Variants in LRMDA observed in about 807,000 individuals in gnomAD.
LRMDA encodes the protein leucine-rich melanocyte differentiation-associated protein.
Under a neutral mutation model 29.8 loss-of-function variants are expected in LRMDA, and 18 were observed. The ratio of observed to expected loss-of-function variants is 0.60; its 90% CI spans 0.42 to 0.90. The LOEUF is 0.90. Among genes scored for constraint, LRMDA ranks in the 40% least tolerant of loss-of-function variants. The probability of loss-of-function intolerance (pLI) is 0.00; values close to 1 mark genes in which losing one functional copy is unlikely to be tolerated. For synonymous variants in LRMDA, 125 were observed against 109.4 expected, an observed-to-expected ratio of 1.14 and a Z score of -0.89; for missense variants, 273 against 273.9, an observed-to-expected ratio of 1.00 and a Z score of 0.02.
At chr10:76,120,543 G>A (rs1849767623) in intron 5 of LRMDA, among the ~76,000 whole-genome samples, 2 of 151,918 alleles carry the variant, frequency 1.3e-5, no homozygotes, top group South Asian at 4.2e-4. Flanking sequence ...GATGGTTTGA[G>A]GTAGCTTATA....
chr10:76,086,024 A>G (rs1317979513), intron 5 of LRMDA, among the ~76,000 whole-genome samples: 6 of 152,246 alleles, frequency 3.9e-5, no homozygotes, highest in Middle Eastern at 3.4e-3. Context: ...GCCCAATTTT[A>G]TAGTCTTCTC....
intron 2 of LRMDA, among the ~76,000 whole-genome samples, chr10:76,012,135 G>C (rs543812483): frequency 6.6e-6 from 1 of 152,182 alleles, no homozygotes. Context: ...TTCCTGGAGC[G>C]CAGTTAAGTA....
At chr10:75,571,525 C>T (rs904437249) in intron 2 of LRMDA, among the ~76,000 whole-genome samples, 46 of 152,124 alleles carry the variant, frequency 3.0e-4, no homozygotes, top group African/African-American at 9.4e-4. Flanking sequence ...TCAACTCTGG[C>T]GGTTAAATCT....
At chr10:76,299,618 T>A (rs958196725) in intron 5 of LRMDA, among the ~76,000 whole-genome samples, 2 of 150,524 alleles carry the variant, frequency 1.3e-5, no homozygotes, top group African/African-American at 2.4e-5. Context: ...TTTTTTTTTT[T>A]ATGGGACTCA....
At chr10:76,131,988 A>G (rs1850001744) in intron 5 of LRMDA, among the ~76,000 whole-genome samples, 1 of 152,208 alleles carries the variant, frequency 6.6e-6, no homozygotes, top group African/African-American at 2.4e-5. Context: ...AAAAATGTGT[A>G]GACTCTAATT....
At chr10:75,923,757 T>C (rs541390908) in intron 2 of LRMDA, among the ~76,000 whole-genome samples, 3 of 152,276 alleles carry the variant, frequency 2.0e-5, no homozygotes, top group African/African-American at 7.2e-5. Flanking sequence ...GTCTTAAGAC[T>C]CCTCTGTGTG....
intron 6 of LRMDA, among the ~76,000 whole-genome samples, chr10:76,429,023 TAC>T (rs140684832): frequency 2.7e-5 from 4 of 149,816 alleles, no homozygotes; most frequent in African/African-American, 9.8e-5. Context: ...CTGCCAATTA[TAC>T]ACACACACAC....
chr10:75,997,439 C>T (rs977218713), intron 2 of LRMDA, among the ~76,000 whole-genome samples: 3 of 150,396 alleles, frequency 2.0e-5, no homozygotes, highest in Non-Finnish European at 2.9e-5. Flanking sequence ...TACTCGGTAT[C>T]ATGAAGTATG....
intron 5 of LRMDA, 83 bp from the exon 6 acceptor site, chr10:76,324,318 C>T (rs543528428): frequency 8.4e-7 from 1 of 1,193,762 alleles, no homozygotes; most frequent in African/African-American, 1.5e-5. Context: ...GCTCAGATCC[C>T]AAGGAGACAG....
At chr10:76,366,328 T>C (rs990356718) in intron 6 of LRMDA, among the ~76,000 whole-genome samples, 6 of 152,190 alleles carry the variant, frequency 3.9e-5, no homozygotes, top group African/African-American at 7.2e-5. Flanking sequence ...AGATTTCTTT[T>C]GGCAGTATGG....
chr10:76,218,667 G>A (rs1480353424), intron 5 of LRMDA, among the ~76,000 whole-genome samples: 1 of 152,164 alleles, frequency 6.6e-6, no homozygotes, highest in African/African-American at 2.4e-5. Context: ...ATCCAGGTGG[G>A]TTCCAGCCCC....
chr10:75,660,264 C>T (rs1428642106), intron 2 of LRMDA, among the ~76,000 whole-genome samples: 2 of 152,206 alleles, frequency 1.3e-5, no homozygotes, highest in Non-Finnish European at 2.9e-5. Context: ...CTTGTTCCCA[C>T]TTTACGTTAA....
rs565756692 is a variant in LRMDA at position 75,833,125 on chromosome 10, A to G, written c.132-202883A>G. 5.9e-5 allele frequency among the ~76,000 whole-genome samples: 9 copies of G among 152,342 alleles called. No individual in the cohort carries two copies. The East Asian group carries it at 1.7e-3, about 29-fold the overall frequency. ...TCTCAACAACTTGATGTCTAGTTTT[A>G]GAATCTCCCAGCCAGCCCCTTGCAC... is the stretch of plus-strand genomic sequence containing the variant. On this transcript the variant is annotated intron_variant, in intron 2 of 6. Transcript: ENST00000611255.
In LRMDA at chr10:75,624,627, G is replaced by C. The variant is rs529788445; in HGVS notation, c.131+186133G>C. 5.3e-5 allele frequency among the ~76,000 whole-genome samples: 8 copies of C among 152,124 alleles called. No individual in the cohort carries two copies. In the South Asian group the frequency reaches 1.7e-3, roughly 32 times the overall value. ...CTAGGATGATAGAATAATATAAAGA[G>C]GGCAAAAGCGGGGGTTGTGGAATTC... is the stretch of plus-strand genomic sequence containing the variant. On this transcript the variant is annotated intron_variant, in intron 2 of 6. Coordinates refer to ENST00000611255, the MANE Select transcript of LRMDA (RefSeq NM_001305581.2).
At chr10:75,897,630 A>C (rs986199254) in intron 2 of LRMDA, among the ~76,000 whole-genome samples, 20 of 152,194 alleles carry the variant, frequency 1.3e-4, no homozygotes, top group South Asian at 1.0e-3. Flanking sequence ...AAAGGGACTA[A>C]GAAATTTCTC....
chr10:75,911,288 T>C (rs1845838785), intron 2 of LRMDA, among the ~76,000 whole-genome samples: 1 of 152,138 alleles, frequency 6.6e-6, no homozygotes, highest in African/African-American at 2.4e-5. Flanking sequence ...TATTTCTTGG[T>C]GCACCCTGTG....
At chr10:76,071,338 T>G (rs551931775) in intron 5 of LRMDA, among the ~76,000 whole-genome samples, 9 of 152,282 alleles carry the variant, frequency 5.9e-5, no homozygotes, top group Admixed American at 3.9e-4. Flanking sequence ...TACTGTATTA[T>G]GAAACAAACA....
At chr10:75,646,786 T>G (rs1189843918) in intron 2 of LRMDA, among the ~76,000 whole-genome samples, 1 of 152,084 alleles carries the variant, frequency 6.6e-6, no homozygotes, top group Non-Finnish European at 1.5e-5. Flanking sequence ...TTGGGATGAG[T>G]TGGGCAAAAG....
At position 75,744,926 on chromosome 10, in the gene LRMDA, C is replaced by T. The variant is rs565044619; in HGVS notation, c.132-291082C>T. On this transcript the variant is annotated intron_variant, in intron 2 of 6. Transcript: ENST00000611255. Reference sequence around the variant, plus strand: ...CTGCCTGAAGACCTTCCTGTGCCAGCGTACTTTCTGTCACTTCCCTGCTGA... The same window carrying T: ...CTGCCTGAAGACCTTCCTGTGCCAGTGTACTTTCTGTCACTTCCCTGCTGA... Among the ~76,000 whole-genome samples the T allele has an allele frequency of 3.3e-5, 5 of 152,262 alleles. No individual in the cohort carries two copies. The South Asian group carries it at 6.2e-4, about 19-fold the overall frequency.
Sources: gnomAD v4.1 joint callset for allele counts (sites outside exome capture counted in the v4.1 genomes callset) on GRCh38, gnomAD v4.1.1 for gene constraint, MANE v1.5 for transcripts, NCBI Gene and HGNC (gene_info 2026-07-23, HGNC 2026-07-21) for gene names.